ATP11A: variants seen among roughly 807,000 people sequenced by gnomAD.
The protein encoded by ATP11A is ATPase phospholipid transporting 11A, also known as phospholipid-transporting ATPase IH.
In ATP11A, 81 loss-of-function variants were observed where a neutral mutation model predicts 154.4. That is an observed-to-expected ratio of 0.52 (90% CI 0.44 to 0.63). The LOEUF is 0.63. Ranked by LOEUF, ATP11A falls within the 30% of genes least tolerant of loss-of-function variation. The pLI, the probability that ATP11A is intolerant of heterozygous loss-of-function variation, is 0.00. For missense variants in ATP11A, 1,316 were observed against 1,474.3 expected, an observed-to-expected ratio of 0.89 and a Z score of 1.76; for synonymous variants, 623 against 585.9, an observed-to-expected ratio of 1.06 and a Z score of -0.91.
At position 112,816,970 on chromosome 13, in the gene ATP11A, A is replaced by G. The variant is rs764659118; in HGVS notation, c.570+759A>G. ...ATTCTAGATTTTGCCTGTTACTTCA[A>G]TGAGTGTCTTTTTGTGAATGTATCT... On this transcript the variant is annotated intron_variant, in intron 6 of 29. Transcript: ENST00000375645. 1.0e-3 allele frequency among the ~76,000 whole-genome samples: 156 copies of G among 152,244 alleles called. 2 individuals are homozygous for G. The highest frequency in any genetic ancestry group is 1.2e-3 in the Non-Finnish European group (82 of 68,044).
chr13:112,855,778 T>C, intron 19 of ATP11A, 133 bp from the exon 20 acceptor site: 1 of 779,232 alleles, frequency 1.3e-6, no homozygotes, highest in Non-Finnish European at 2.0e-6. Flanking sequence ...AAAATTGTAT[T>C]GGTAAAACAA....
rs145605378 is a variant in ATP11A at position 112,855,596 on chromosome 13, G to A, written c.2244-315G>A. 4.6e-3 allele frequency among the ~76,000 whole-genome samples: 704 copies of A among 152,304 alleles called. 3 individuals are homozygous for A. Among genetic ancestry groups the A allele is most frequent in the African/African-American group, 0.015 (624 of 41,554 alleles). On this transcript the variant is annotated intron_variant, in intron 19 of 29. Transcript: ENST00000375645. ...AAGACTGTGACCAAGAAGGTTGAGA[G>A]TAAAGACCAACCAAGATCTTAGACC...
intron 1 of ATP11A, among the ~76,000 whole-genome samples, chr13:112,743,055 A>T (rs554275537): frequency 1.3e-5 from 2 of 152,284 alleles, no homozygotes; most frequent in African/African-American, 4.8e-5. Flanking sequence ...ACCTGTGCAG[A>T]GGGTTCTATG....
rs192058872 is a variant in ATP11A at position 112,696,281 on chromosome 13, G to A, written c.39+5826G>A. On this transcript the variant is annotated intron_variant, in intron 1 of 29. Coordinates refer to ENST00000375645, the MANE Select transcript of ATP11A (RefSeq NM_015205.3). This position sits in a 1 kb window ranked among gnomAD's most constrained non-coding sequence, Gnocchi z 6.2. ...TGCTTCTGGGCTTCTTAAGGAGACC[G>A]CCTCTCACCTTGGGCTTTCCGGAAC... Among the ~76,000 whole-genome samples, 27 of 152,294 alleles carry A rather than the reference G, an allele frequency of 1.8e-4. No homozygotes were observed. The highest frequency in any genetic ancestry group is 6.0e-4 in the African/African-American group (25 of 41,558).
At chr13:112,849,892 A>C (rs544313601) in intron 17 of ATP11A, among the ~76,000 whole-genome samples, 1 of 152,226 alleles carries the variant, frequency 6.6e-6, no homozygotes, top group Non-Finnish European at 1.5e-5. Flanking sequence ...AGACGGGTCC[A>C]CTGGCTTCTC....
intron 1 of ATP11A, among the ~76,000 whole-genome samples, chr13:112,780,281 C>T (rs941043684): frequency 1.3e-5 from 2 of 152,096 alleles, no homozygotes; most frequent in Non-Finnish European, 2.9e-5. Context: ...GGTTTTCATC[C>T]CCCAGTCAGA....
At chr13:112,825,995 G>A (rs1363451020) in intron 11 of ATP11A, among the ~76,000 whole-genome samples, 1 of 152,006 alleles carries the variant, frequency 6.6e-6, no homozygotes, top group Non-Finnish European at 1.5e-5. Context: ...GAGCAGGACT[G>A]TGTGCAAACC....
chr13:112,776,049 C>T (rs2077341074), intron 1 of ATP11A, among the ~76,000 whole-genome samples: 2 of 152,220 alleles, frequency 1.3e-5, no homozygotes, highest in Non-Finnish European at 2.9e-5. Context: ...GCTGGAGTCC[C>T]TGGGAGCCCG....
intron 6 of ATP11A, among the ~76,000 whole-genome samples, chr13:112,818,331 G>A (rs563463537): frequency 7.9e-5 from 12 of 151,808 alleles, no homozygotes; most frequent in South Asian, 2.1e-4. Flanking sequence ...GGCGGTGACC[G>A]TTGGTGCGCT....
chr13:112,844,717 G>C (rs772637160), intron 17 of ATP11A, among the ~76,000 whole-genome samples: 2 of 142,174 alleles, frequency 1.4e-5, no homozygotes, highest in Non-Finnish European at 3.0e-5. Flanking sequence ...CTAGTTCAGC[G>C]GCCGCTAGTC....
At chr13:112,729,219 A>C (rs1285279488) in intron 1 of ATP11A, among the ~76,000 whole-genome samples, 1 of 152,234 alleles carries the variant, frequency 6.6e-6, no homozygotes, top group Non-Finnish European at 1.5e-5. Flanking sequence ...GTTGGCGGTC[A>C]GCTCATTTAT....
At chr13:112,799,522 G>A (rs2078080118) in intron 2 of ATP11A, among the ~76,000 whole-genome samples, 1 of 152,124 alleles carries the variant, frequency 6.6e-6, no homozygotes, top group South Asian at 2.1e-4. Context: ...TGCAGGGTGG[G>A]GAGGTCATGA....
At chr13:112,761,903 G>C (rs1424395565) in intron 1 of ATP11A, among the ~76,000 whole-genome samples, 4 of 152,206 alleles carry the variant, frequency 2.6e-5, no homozygotes, top group African/African-American at 9.7e-5. Context: ...TGCAGCAGGG[G>C]TGGGGCCTCC....
At chr13:112,848,517 T>C (rs1270486372) in intron 17 of ATP11A, among the ~76,000 whole-genome samples, 1 of 152,212 alleles carries the variant, frequency 6.6e-6, no homozygotes, top group Non-Finnish European at 1.5e-5. Flanking sequence ...TAGAAAGGCA[T>C]CCTTTCTAAT....
intron 25 of ATP11A, among the ~76,000 whole-genome samples, chr13:112,866,183 T>G (rs558097715): frequency 1.3e-5 from 2 of 152,336 alleles, no homozygotes; most frequent in Admixed American, 1.3e-4. Context: ...AAGACAATCA[T>G]GGGTTTGTCG....
intron 1 of ATP11A, among the ~76,000 whole-genome samples, chr13:112,709,126 C>G (rs1481122750): frequency 6.6e-6 from 1 of 152,152 alleles, no homozygotes. Flanking sequence ...CCTCTGTGCC[C>G]CTCCTGGCTG....
chr13:112,842,150 A>G, intron 16 of ATP11A, 126 bp from the exon 17 acceptor site: 2 of 728,818 alleles, frequency 2.7e-6, no homozygotes, highest in Non-Finnish European at 4.5e-6. Context: ...CTGGTCCATT[A>G]AAATCTTTAA....
rs1170532291 is a variant in ATP11A at position 112,750,080 on chromosome 13, G to T, written c.40-35055G>T. On this transcript the variant is annotated intron_variant, in intron 1 of 29. Coordinates refer to ENST00000375645, the MANE Select transcript of ATP11A (RefSeq NM_015205.3). ...GGACACGCCTGCTGAAGGATGCGGG[G>T]TTGAGTCCCCTTCAGCCTCTCGTGA... 7.0e-4 allele frequency among the ~76,000 whole-genome samples: 12 copies of T among 17,152 alleles called. 2 individuals are homozygous for T. Among genetic ancestry groups the T allele is most frequent in the Non-Finnish European group, 6.2e-4 (6 of 9,684 alleles). 11.3% of individuals were successfully genotyped at this position (17,152 alleles called of 152,430 possible).
At chr13:112,833,240 TC>T (rs2140256167) in intron 14 of ATP11A, among the ~76,000 whole-genome samples, 1 of 152,268 alleles carries the variant, frequency 6.6e-6, no homozygotes, top group African/African-American at 2.4e-5. Context: ...GCGTGAGTCT[TC>T]ATCTCTGACT....
Sources: gnomAD v4.1 joint callset for allele counts (sites outside exome capture counted in the v4.1 genomes callset) on GRCh38, gnomAD v4.1.1 for gene constraint, Gnocchi (gnomAD v3.1) non-coding constraint, MANE v1.5 for transcripts, NCBI Gene and HGNC (gene_info 2026-07-23, HGNC 2026-07-21) for gene names.